Variants in NOL4 observed in about 807,000 individuals in gnomAD.
The protein encoded by NOL4 is nucleolar protein 4, also known as cancer/testis antigen 125.
NOL4 carries 17 observed loss-of-function variants against 75.9 expected under a neutral mutation model. That is an observed-to-expected ratio of 0.22 (90% CI 0.15 to 0.34). NOL4 has a LOEUF of 0.34. Ranked by LOEUF, NOL4 falls within the 10% of genes least tolerant of loss-of-function variation. The probability of loss-of-function intolerance (pLI) is 1.00; values close to 1 mark genes in which losing one functional copy is unlikely to be tolerated. For synonymous variants in NOL4, 292 were observed against 289.9 expected, an observed-to-expected ratio of 1.01 and a Z score of -0.07; for missense variants, 614 against 793.5, an observed-to-expected ratio of 0.77 and a Z score of 2.72.
At chr18:33,966,896 C>A (rs2070649445) in intron 6 of NOL4, among the ~76,000 whole-genome samples, 1 of 152,108 alleles carries the variant, frequency 6.6e-6, no homozygotes, top group Non-Finnish European at 1.5e-5. Flanking sequence ...TTAAAATGAC[C>A]ATAATTCCCC....
intron 7 of NOL4, 97 bp from the exon 8 acceptor site, chr18:33,957,614 T>G: frequency 1.0e-6 from 1 of 981,702 alleles, no homozygotes. Flanking sequence ...AATACTGTTT[T>G]CTGGTTTATG....
intron 2 of NOL4, among the ~76,000 whole-genome samples, chr18:34,118,897 A>G (rs1453151792): frequency 1.3e-5 from 2 of 152,242 alleles, no homozygotes; most frequent in Non-Finnish European, 2.9e-5. Context: ...TTGCAAAGAT[A>G]AAGACATTTT....
intron 9 of NOL4, among the ~76,000 whole-genome samples, chr18:33,933,585 A>G (rs1316421661): frequency 1.3e-5 from 2 of 152,164 alleles, no homozygotes; most frequent in Admixed American, 6.6e-5. Flanking sequence ...ATTCAACAGA[A>G]TTCACAGCAT....
intron 9 of NOL4, among the ~76,000 whole-genome samples, chr18:33,904,776 A>C (rs572364417): frequency 1.3e-3 from 193 of 152,290 alleles, no homozygotes; most frequent in Non-Finnish European, 2.3e-3. Flanking sequence ...ATAGTGGGGA[A>C]GAAACTTACT....
At chr18:34,090,267 A>C (rs1279573650) in intron 5 of NOL4, among the ~76,000 whole-genome samples, 1 of 152,182 alleles carries the variant, frequency 6.6e-6, no homozygotes. Flanking sequence ...GGAGAATGTA[A>C]GAACTAACTC....
At chr18:34,184,278 T>C (rs1401867394) in intron 1 of NOL4, among the ~76,000 whole-genome samples, 2 of 151,892 alleles carry the variant, frequency 1.3e-5, no homozygotes, top group Non-Finnish European at 2.9e-5. Context: ...ATTACTACCA[T>C]AATAACTGCA....
intron 1 of NOL4, among the ~76,000 whole-genome samples, chr18:34,131,332 G>T (rs2080641142): frequency 1.3e-5 from 2 of 152,040 alleles, no homozygotes; most frequent in Admixed American, 6.6e-5. Flanking sequence ...TTCTGACATG[G>T]TAAGCCTTGT....
At chr18:34,100,043 T>C (rs2078972851) in intron 4 of NOL4, among the ~76,000 whole-genome samples, 1 of 138,024 alleles carries the variant, frequency 7.2e-6, no homozygotes, top group Non-Finnish European at 1.6e-5. Context: ...AGTCTTGCTT[T>C]TTTTTTTTTT....
chr18:33,919,122 T>C (rs1412712555), intron 9 of NOL4, among the ~76,000 whole-genome samples: 2 of 152,204 alleles, frequency 1.3e-5, no homozygotes, highest in African/African-American at 2.4e-5. Flanking sequence ...CAAGGGTAGA[T>C]TGAATTATTT....
At position 34,021,933 on chromosome 18, in the gene NOL4, G is replaced by A. The variant is rs556556806; in HGVS notation, c.773-2332C>T. On this transcript the variant is annotated intron_variant, in intron 5 of 10. Transcript: ENST00000261592. ...GCCTGGCCAACATGGTGAAACCCCC[G>A]TCTCTACTTAAAATACAAAAATTCG... Among the ~76,000 whole-genome samples the A allele has an allele frequency of 1.5e-4, 23 of 151,696 alleles. No homozygotes were observed. In the South Asian group the frequency reaches 1.7e-3, roughly 11 times the overall value.
At chr18:34,104,606 T>C (rs751085456) in intron 3 of NOL4, among the ~76,000 whole-genome samples, 21 of 152,120 alleles carry the variant, frequency 1.4e-4, no homozygotes, top group Non-Finnish European at 2.5e-4. Context: ...GGAAGTCATA[T>C]TTAGCTAAAT....
At chr18:34,095,088 A>T (rs985338960) in intron 4 of NOL4, among the ~76,000 whole-genome samples, 2 of 152,104 alleles carry the variant, frequency 1.3e-5, no homozygotes, top group African/African-American at 4.8e-5. Flanking sequence ...TTTATCAAAG[A>T]CTGGGTCATG....
intron 1 of NOL4, among the ~76,000 whole-genome samples, chr18:34,190,115 T>A (rs917647458): frequency 6.6e-6 from 1 of 151,548 alleles, no homozygotes; most frequent in Admixed American, 6.6e-5. Context: ...ATCTTTTGCA[T>A]ATAGATAGTA....
intron 5 of NOL4, among the ~76,000 whole-genome samples, chr18:34,043,426 C>T (rs958482487): frequency 3.3e-5 from 5 of 151,878 alleles, no homozygotes; most frequent in African/African-American, 9.7e-5. Flanking sequence ...CAATAATCTG[C>T]TTATTTTTAC....
At chr18:34,060,855 G>C (rs2077039335) in intron 5 of NOL4, among the ~76,000 whole-genome samples, 1 of 152,104 alleles carries the variant, frequency 6.6e-6, no homozygotes, top group African/African-American at 2.4e-5. Flanking sequence ...TACTGCAGAA[G>C]GAAAATCTGG....
chr18:34,049,427 T>C (rs951235260), intron 5 of NOL4, among the ~76,000 whole-genome samples: 1 of 152,040 alleles, frequency 6.6e-6, no homozygotes, highest in Non-Finnish European at 1.5e-5. Context: ...TTTTAAACAG[T>C]TGATAGTATA....
intron 10 of NOL4, among the ~76,000 whole-genome samples, chr18:33,860,020 A>C (rs2063026306): frequency 6.6e-6 from 1 of 152,190 alleles, no homozygotes; most frequent in South Asian, 2.1e-4. Context: ...GGGAGGCCTC[A>C]GGAAACTTAC....
intron 1 of NOL4, among the ~76,000 whole-genome samples, chr18:34,189,669 T>C (rs1261420760): frequency 6.6e-6 from 1 of 152,142 alleles, no homozygotes; most frequent in African/African-American, 2.4e-5. Context: ...CCTGGTATAT[T>C]TTAAATTAAT....
intron 4 of NOL4, 47 bp from the exon 5 acceptor site, chr18:34,093,644 G>A (rs577988495): frequency 6.5e-6 from 9 of 1,377,262 alleles, no homozygotes; most frequent in Non-Finnish European, 4.9e-6. Context: ...CGTATAATAC[G>A]TTTAAATAAT....
Sources: gnomAD v4.1 joint callset for allele counts (sites outside exome capture counted in the v4.1 genomes callset) on GRCh38, gnomAD v4.1.1 for gene constraint, MANE v1.5 for transcripts, NCBI Gene and HGNC (gene_info 2026-07-23, HGNC 2026-07-21) for gene names.